The following DLGAP1 variants were observed in gnomAD, a reference collection of about 807,000 sequenced individuals.
DLGAP1 encodes the protein disks large-associated protein 1.
In DLGAP1, 11 loss-of-function variants were observed where a neutral mutation model predicts 90.8. That is an observed-to-expected ratio of 0.12 (90% CI 0.08 to 0.20). The LOEUF is 0.20. Ranked by LOEUF, DLGAP1 falls within the 10% of genes least tolerant of loss-of-function variation. The pLI is 1.00. For synonymous variants in DLGAP1, 558 were observed against 540.7 expected, an observed-to-expected ratio of 1.03 and a Z score of -0.44; for missense variants, 1,050 against 1,333.8, an observed-to-expected ratio of 0.79 and a Z score of 3.31.
chr18:4,239,468 C>T (rs2078484837), intron 1 of DLGAP1, among the ~76,000 whole-genome samples: 1 of 152,068 alleles, frequency 6.6e-6, no homozygotes, highest in Non-Finnish European at 1.5e-5. Flanking sequence ...AGCTTTTAGT[C>T]TGCAGTTTTT....
chr18:4,439,179 C>T (rs1290458358), intron 1 of DLGAP1, among the ~76,000 whole-genome samples: 1 of 152,198 alleles, frequency 6.6e-6, no homozygotes, highest in Non-Finnish European at 1.5e-5. Context: ...TTTAATCCTA[C>T]CCATCCTTCT....
intron 10 of DLGAP1, among the ~76,000 whole-genome samples, chr18:3,522,334 A>G (rs2051259905): frequency 6.6e-6 from 1 of 151,628 alleles, no homozygotes; most frequent in African/African-American, 2.4e-5. Context: ...ACGGGGTTTC[A>G]CCATCTTGGT....
intron 7 of DLGAP1, chr18:3,722,194 T>A (rs2147358260): frequency 6.6e-6 from 1 of 152,302 alleles, no homozygotes; most frequent in South Asian, 2.1e-4. Context: ...GACTTGCTTG[T>A]TGGCTGTCTG....
intron 10 of DLGAP1, among the ~76,000 whole-genome samples, chr18:3,524,285 A>AAAAG (rs2051458153): frequency 1.3e-5 from 2 of 152,116 alleles, no homozygotes; most frequent in South Asian, 4.1e-4. Flanking sequence ...AATTAAAAAA[A>AAAAG]AAAGAAAGAA....
At chr18:3,970,805 CT>C (rs1251237494) in intron 3 of DLGAP1, among the ~76,000 whole-genome samples, 2 of 152,116 alleles carry the variant, frequency 1.3e-5, no homozygotes, top group Non-Finnish European at 2.9e-5. Context: ...TTTCTTCCCC[CT>C]AATTGAACTG....
At chr18:3,770,699 A>G (rs1313612080) in intron 5 of DLGAP1, among the ~76,000 whole-genome samples, 2 of 152,254 alleles carry the variant, frequency 1.3e-5, no homozygotes, top group East Asian at 3.8e-4. Flanking sequence ...GTATAATTGC[A>G]TACGCTATAA....
At chr18:3,549,945 G>A (rs775429329) in intron 9 of DLGAP1, among the ~76,000 whole-genome samples, 16 of 150,656 alleles carry the variant, frequency 1.1e-4, no homozygotes, top group African/African-American at 2.7e-4. Context: ...ATGGAGTCTC[G>A]CTCTGTTGCC....
intron 1 of DLGAP1, among the ~76,000 whole-genome samples, chr18:4,387,797 G>T (rs1281489256): frequency 6.6e-6 from 1 of 152,072 alleles, no homozygotes; most frequent in Non-Finnish European, 1.5e-5. Context: ...CGGGCATGGT[G>T]GTGTGTGCCT....
At chr18:4,376,832 G>A (rs2144269944) in intron 1 of DLGAP1, among the ~76,000 whole-genome samples, 1 of 152,226 alleles carries the variant, frequency 6.6e-6, no homozygotes, top group Admixed American at 6.5e-5. Context: ...TGGGTTTTCA[G>A]GTGTTCGAAC....
intron 7 of DLGAP1, among the ~76,000 whole-genome samples, chr18:3,602,573 C>G (rs1242293534): frequency 1.7e-5 from 2 of 119,124 alleles, no homozygotes; most frequent in African/African-American, 6.5e-5. Context: ...CCAGCCTGGG[C>G]GACAGAGCGA....
intron 7 of DLGAP1, among the ~76,000 whole-genome samples, chr18:3,725,279 T>G (rs958768455): frequency 2.0e-5 from 3 of 152,238 alleles, no homozygotes; most frequent in Non-Finnish European, 4.4e-5. Context: ...GATACAAGTC[T>G]GCCTAGCTAC....
intron 1 of DLGAP1, among the ~76,000 whole-genome samples, chr18:4,239,689 C>T (rs1289867864): frequency 6.6e-6 from 1 of 152,162 alleles, no homozygotes; most frequent in Non-Finnish European, 1.5e-5. Flanking sequence ...AAATGAGATG[C>T]TAAACAAAGT....
chr18:3,622,482 T>C (rs750407050), intron 7 of DLGAP1, among the ~76,000 whole-genome samples: 61 of 152,180 alleles, frequency 4.0e-4, no homozygotes, highest in Non-Finnish European at 7.8e-4. Flanking sequence ...AAAGATTGGC[T>C]CTGTCCCCTG....
chr18:4,233,788 T>C (rs2078347897), intron 1 of DLGAP1, among the ~76,000 whole-genome samples: 1 of 152,188 alleles, frequency 6.6e-6, no homozygotes, highest in African/African-American at 2.4e-5. Flanking sequence ...GAAAGCTGTA[T>C]AGGAAACAGA....
intron 4 of DLGAP1, chr18:3,845,603 C>T (rs1201882382): frequency 4.0e-5 from 39 of 985,302 alleles, no homozygotes; most frequent in Non-Finnish European, 4.6e-5. Flanking sequence ...AATCATATTG[C>T]TATCTTTCAT....
chr18:3,829,738 T>C (rs1009040610), intron 4 of DLGAP1, among the ~76,000 whole-genome samples: 3 of 152,180 alleles, frequency 2.0e-5, no homozygotes, highest in African/African-American at 7.2e-5. Flanking sequence ...ATCCACATTA[T>C]GGAGGGTAAT....
At chr18:3,613,781 C>A (rs1228197066) in intron 7 of DLGAP1, among the ~76,000 whole-genome samples, 1 of 152,198 alleles carries the variant, frequency 6.6e-6, no homozygotes, top group Non-Finnish European at 1.5e-5. Context: ...CATTTTATTA[C>A]CATCTGTGGA....
intron 7 of DLGAP1, among the ~76,000 whole-genome samples, chr18:3,691,188 C>A (rs765688391): frequency 5.3e-5 from 8 of 152,128 alleles, no homozygotes; most frequent in Non-Finnish European, 8.8e-5. Context: ...GGGGGTCATG[C>A]CTGTAATCCC....
At chr18:4,046,505 G>T (rs183697837) in intron 2 of DLGAP1, among the ~76,000 whole-genome samples, 2 of 152,294 alleles carry the variant, frequency 1.3e-5, no homozygotes, top group African/African-American at 4.8e-5. Context: ...CTATGCCCAG[G>T]GGCGCACAAT....
Sources: gnomAD v4.1 joint callset for allele counts (sites outside exome capture counted in the v4.1 genomes callset) on GRCh38, gnomAD v4.1.1 for gene constraint, MANE v1.5 for transcripts, NCBI Gene and HGNC (gene_info 2026-07-23, HGNC 2026-07-21) for gene names.